The following KDM2A variants were observed in gnomAD, a reference collection of about 807,000 sequenced individuals.
KDM2A encodes the protein lysine demethylase 2A.
Under a neutral mutation model 137.3 loss-of-function variants are expected in KDM2A, and 3 were observed. That is an observed-to-expected ratio of 0.02 (90% confidence interval 0.01 to 0.06). KDM2A has a LOEUF of 0.06. Among genes scored for constraint, KDM2A ranks in the 10% least tolerant of loss-of-function variants. KDM2A has a pLI of 1.00. For synonymous variants in KDM2A, 512 were observed against 541.5 expected, an observed-to-expected ratio of 0.95 and a Z score of 0.76; for missense variants, 738 against 1,510.6, an observed-to-expected ratio of 0.49 and a Z score of 8.48.
chr11:67,201,125 C>T (rs984089839), intron 5 of KDM2A, among the ~76,000 whole-genome samples: 9 of 150,714 alleles, frequency 6.0e-5, no homozygotes, highest in Non-Finnish European at 8.8e-5. Context: ...ACCCGGGAGG[C>T]GGAGCTTGCA....
At chr11:67,137,902 A>G (rs1040653464) in intron 2 of KDM2A, among the ~76,000 whole-genome samples, 22 of 151,990 alleles carry the variant, frequency 1.4e-4, no homozygotes, top group African/African-American at 7.3e-5. Context: ...GGTTCAAGTG[A>G]TTCTTCTGCC....
At chr11:67,150,793 C>A (rs915504432) in intron 2 of KDM2A, among the ~76,000 whole-genome samples, 3 of 151,250 alleles carry the variant, frequency 2.0e-5, no homozygotes, top group African/African-American at 7.3e-5. Context: ...AGAGCAAGAC[C>A]CCATCTCTAC....
chr11:67,250,602 G>A lies in KDM2A; in HGVS notation c.2572G>A (p.Glu858Lys), dbSNP rs1309098700. Residue 858 changes from glutamate (E) to lysine (K), a missense_variant, in exon 17 of 21, where the codon GAG (glutamate) becomes AAG (lysine). By Grantham distance (56) the Glu-to-Lys change is moderately conservative (BLOSUM62 1). This residue lies in a region of KDM2A where 244 missense variants were observed against 324.6 expected (regional missense o/e 0.75). Coordinates refer to ENST00000529006, the MANE Select transcript of KDM2A (RefSeq NM_012308.3). The surrounding 1 kb of genome is among the most constrained non-coding windows in gnomAD (Gnocchi z 7.1). ...TGAGGAGGGGCTGGGGGGAGAGGAG[G>A]AGGAAGAGGAGGAGGAGGAGGAGGA... is the stretch of plus-strand genomic sequence containing the variant. ...GDEEGLGGEEEEEEEEEEEDD... is the reference protein window; with the variant it reads ...GDEEGLGGEEKEEEEEEEEDD... 9 of 1,612,596 alleles carry A rather than the reference G, an allele frequency of 5.6e-6. No individual in the cohort carries two copies. The highest frequency in any genetic ancestry group is 7.6e-6 in the Non-Finnish European group (9 of 1,179,030).
rs762151107 is a variant in KDM2A at position 67,250,498 on chromosome 11, C to T, written c.2468C>T (p.Thr823Met). 4 of 1,614,046 alleles carry T rather than the reference C, an allele frequency of 2.5e-6. No homozygotes were observed. Among genetic ancestry groups the T allele is most frequent in the Non-Finnish European group, 3.4e-6 (4 of 1,179,908 alleles). The change falls in exon 17 of 21, where the codon ACG becomes ATG. Residue 823 changes from threonine to methionine, a missense_variant. By Grantham distance (81) the Thr-to-Met change is moderately conservative. Around this residue, in one of 9 missense-constraint regions of KDM2A, gnomAD observed 244 missense variants for 324.6 expected, o/e 0.75. Coordinates refer to ENST00000529006, the MANE Select transcript of KDM2A (RefSeq NM_012308.3). The surrounding 1 kb of genome is among the most constrained non-coding windows in gnomAD (Gnocchi z 7.1). ...TSIVPKLQAI[T>M]ASSANLRHSP... ...ATTGTGCCCAAGCTGCAGGCCATCA[C>T]GGCCTCCTCTGCCAACCTTCGCCAT...
intron 2 of KDM2A, among the ~76,000 whole-genome samples, chr11:67,159,538 A>G (rs942297553): frequency 1.3e-5 from 2 of 152,202 alleles, no homozygotes; most frequent in African/African-American, 4.8e-5. Context: ...ATACACAATG[A>G]TGGATTGATT....
intron 2 of KDM2A, among the ~76,000 whole-genome samples, chr11:67,126,337 G>A (rs1250836052): frequency 2.0e-5 from 3 of 152,054 alleles, no homozygotes; most frequent in Non-Finnish European, 4.4e-5. Flanking sequence ...CACTTCGGGA[G>A]GCCAGGGAGG....
chr11:67,186,403 C>G (rs558067164), intron 5 of KDM2A, among the ~76,000 whole-genome samples: 2 of 152,222 alleles, frequency 1.3e-5, no homozygotes, highest in African/African-American at 4.8e-5. Flanking sequence ...CATCCTATAT[C>G]TGGCAAAACT....
chr11:67,230,816 T>G (rs1357985149), intron 11 of KDM2A, among the ~76,000 whole-genome samples: 2 of 152,224 alleles, frequency 1.3e-5, no homozygotes, highest in Non-Finnish European at 2.9e-5. Context: ...GGTGAACATT[T>G]ATCACTGTGT....
rs182805435 is a variant in KDM2A, at chr11:67,204,121, A to G, written c.308-3389A>G. ...TGGCCTCCCCTACATTCTTGAAGGA[A>G]AGCATTTACTTGTTATTTCTTAAAT... On this transcript the variant is annotated intron_variant, in intron 5 of 20. Coordinates refer to ENST00000529006, the MANE Select transcript of KDM2A (RefSeq NM_012308.3). 1.1e-3 allele frequency among the ~76,000 whole-genome samples: 172 copies of G among 152,206 alleles called. 1 individual carries two copies. Among genetic ancestry groups the G allele is most frequent in the Admixed American group, 7.4e-3 (113 of 15,276 alleles).
At chr11:67,204,812 A>G (rs1192376991) in intron 5 of KDM2A, among the ~76,000 whole-genome samples, 1 of 152,166 alleles carries the variant, frequency 6.6e-6, no homozygotes, top group Non-Finnish European at 1.5e-5. Flanking sequence ...TTTTCTTGGT[A>G]TATCCATGTT....
intron 2 of KDM2A, among the ~76,000 whole-genome samples, chr11:67,159,563 G>A (rs1475440922): frequency 6.6e-6 from 1 of 152,178 alleles, no homozygotes; most frequent in Non-Finnish European, 1.5e-5. Context: ...TGCTGGTAGT[G>A]ATGGTAAAAA....
At chr11:67,185,637 CAA>C (rs35825424) in intron 5 of KDM2A, among the ~76,000 whole-genome samples, 33 of 102,454 alleles carry the variant, frequency 3.2e-4, no homozygotes, top group Admixed American at 3.0e-4. Flanking sequence ...AACTCTGTCG[CAA>C]AAAAAAAAAA....
intron 2 of KDM2A, among the ~76,000 whole-genome samples, chr11:67,123,266 A>G (rs1855640208): frequency 7.1e-6 from 1 of 140,434 alleles, no homozygotes; most frequent in African/African-American, 2.6e-5. Context: ...CGTGAGCCAC[A>G]GTACCTGGCT....
chr11:67,121,251 T>A lies in KDM2A; in HGVS notation c.-66T>A. 3 of 1,257,518 alleles carry A rather than the reference T, an allele frequency of 2.4e-6. No individual in the cohort carries two copies. The highest frequency in any genetic ancestry group is 3.5e-6 in the Non-Finnish European group (3 of 859,220). The allele number at this position is 1,257,518 out of a possible 1,614,324, so 77.9% of individuals were successfully genotyped here. On this transcript the variant is annotated 5_prime_UTR_variant, in exon 2 of 21. Transcript: ENST00000529006. ...TTCTTTAGTGTTGCAATCTGGTTCCTAAGGAGGAAGAGGAAGGCAGCCCTG... is the reference window on the plus strand; with the variant it reads ...TTCTTTAGTGTTGCAATCTGGTTCCAAAGGAGGAAGAGGAAGGCAGCCCTG...
Position 67,219,304 on chromosome 11 carries a change from G to A in KDM2A, c.858G>A (p.Val286=). The A allele has an allele frequency of 6.3e-7, 1 of 1,598,814 alleles. No individual in the cohort carries two copies. The highest frequency in any genetic ancestry group is 8.5e-7 in the Non-Finnish European group (1 of 1,172,066). Residue 286 remains valine, a synonymous_variant, in exon 10 of 21, where the codon GTG becomes GTA. Coordinates refer to ENST00000529006, the MANE Select transcript of KDM2A (RefSeq NM_012308.3). ...FVIPSGWIHA[V]YTPTDTLVFG... is the part of the protein sequence containing the mutation. ...TTCTCCTAGGCTGGATTCATGCTGTGTATACTCCTACAGACACATTAGTGT... is the reference window on the plus strand; with the variant it reads ...TTCTCCTAGGCTGGATTCATGCTGTATATACTCCTACAGACACATTAGTGT...
chr11:67,123,558 C>T (rs764544381), intron 2 of KDM2A, among the ~76,000 whole-genome samples: 1 of 152,072 alleles, frequency 6.6e-6, no homozygotes, highest in African/African-American at 2.4e-5. Context: ...AAACTCCTTT[C>T]CCAGGTAGTT....
chr11:67,254,730 G>A lies in KDM2A; in HGVS notation c.3308-144G>A. On this transcript the variant is annotated intron_variant, in intron 20 of 20. Coordinates refer to ENST00000529006, the MANE Select transcript of KDM2A (RefSeq NM_012308.3). The surrounding 1 kb of genome is among the most constrained non-coding windows in gnomAD (Gnocchi z 4.7). ...CAGGGTCCCTTTGGAGGTGCTGATG[G>A]CACTTCTGGTCTCTGAGCCAGGTAG... 1 of 738,216 alleles carries A rather than the reference G, an allele frequency of 1.4e-6. No homozygotes were observed. The highest frequency in any genetic ancestry group is 2.2e-6 in the Non-Finnish European group (1 of 450,422). 45.7% of individuals were successfully genotyped at this position (738,216 alleles called of 1,614,324 possible). A position where few individuals can be genotyped will look rare whatever the true frequency, so the allele number is the denominator to read the frequency against.
At chr11:67,196,190 CA>C in intron 5 of KDM2A, 1 of 441,732 alleles carries the variant, frequency 2.3e-6, no homozygotes, top group Non-Finnish European at 4.5e-6. Context: ...CTTTCTTTGG[CA>C]AAATCATCCA....
At chr11:67,188,659 C>T (rs1857269361) in intron 5 of KDM2A, among the ~76,000 whole-genome samples, 1 of 151,570 alleles carries the variant, frequency 6.6e-6, no homozygotes, top group Non-Finnish European at 1.5e-5. Context: ...AGCATGGTGG[C>T]ACATGCCTGT....
Sources: allele counts gnomAD v4.1 joint callset (sites outside exome capture counted in the v4.1 genomes callset), GRCh38; gene constraint gnomAD v4.1.1; regional missense constraint gnomAD v4.1.1; non-coding constraint Gnocchi (gnomAD v3.1); transcripts MANE v1.5; gene names NCBI Gene and HGNC (gene_info 2026-07-23, HGNC 2026-07-21).